RORA: variants seen among roughly 807,000 people sequenced by gnomAD.
The protein encoded by RORA is RAR related orphan receptor A.
Under a neutral mutation model 69.5 loss-of-function variants are expected in RORA, and 7 were observed. That is an observed-to-expected ratio of 0.10 (90% CI 0.06 to 0.19). RORA has a LOEUF of 0.19. Among genes scored for constraint, RORA ranks in the 10% least tolerant of loss-of-function variants. The probability of loss-of-function intolerance (pLI) is 1.00; values close to 1 mark genes in which losing one functional copy is unlikely to be tolerated. For missense variants in RORA, 457 were observed against 663.0 expected, an observed-to-expected ratio of 0.69 and a Z score of 3.41; for synonymous variants, 261 against 240.8, an observed-to-expected ratio of 1.08 and a Z score of -0.78.
chr15:60,760,771 G>C (rs549356324), intron 1 of RORA, among the ~76,000 whole-genome samples: 1 of 152,226 alleles, frequency 6.6e-6, no homozygotes, highest in African/African-American at 2.4e-5. Flanking sequence ...CAAGTCGTGT[G>C]ATCCAGTGGA....
intron 1 of RORA, among the ~76,000 whole-genome samples, chr15:60,924,395 C>G (rs1892146782): frequency 1.1e-5 from 1 of 89,570 alleles, no homozygotes; most frequent in Non-Finnish European, 3.1e-5. Context: ...AATATAGAAA[C>G]AGATTTGAAC....
At chr15:60,579,585 C>T (rs922459886) in intron 2 of RORA, among the ~76,000 whole-genome samples, 1 of 152,160 alleles carries the variant, frequency 6.6e-6, no homozygotes, top group African/African-American at 2.4e-5. Context: ...TTCTAACATG[C>T]TATTGAGAAA....
At position 60,488,598 on chromosome 15, in the gene RORA, G is replaced by A. The variant is rs1446955398; in HGVS notation, c.*8857C>T. The stretch of plus-strand genomic sequence containing the variant: ...ATTGAAAAGAAAACCCAAGGTAAGT[G>A]AAAAGTTGGACGATCCTCTAATAAA... On this transcript the variant is annotated 3_prime_UTR_variant, in exon 11 of 11. Coordinates refer to ENST00000335670, the MANE Select transcript of RORA (RefSeq NM_134261.3). The A allele has an allele frequency of 6.6e-6, 1 of 152,164 alleles. No homozygotes were observed. The highest frequency in any genetic ancestry group is 2.4e-5 in the African/African-American group (1 of 41,432). The allele number at this position is 152,164 out of a possible 1,614,324, so 9.4% of individuals were successfully genotyped here.
chr15:61,127,828 G>A (rs569101408), intron 1 of RORA, among the ~76,000 whole-genome samples: 11 of 152,232 alleles, frequency 7.2e-5, no homozygotes, highest in Admixed American at 5.9e-4. Flanking sequence ...CAGTTCTCCG[G>A]TGAGGGTGCA....
At chr15:60,849,624 T>G (rs944027468) in intron 1 of RORA, among the ~76,000 whole-genome samples, 1 of 152,214 alleles carries the variant, frequency 6.6e-6, no homozygotes, top group Admixed American at 6.5e-5. Context: ...AGCAGTGATG[T>G]GCTGATAAAC....
chr15:60,488,852 C>T lies in RORA; in HGVS notation c.*8603G>A, dbSNP rs1475063749. On this transcript the variant is annotated 3_prime_UTR_variant, in exon 11 of 11. Transcript: ENST00000335670. ...TTGTGTGCTTAATCCTCAAGACCTA[C>T]ACACAATTAGAATCAGCATTTCATG... The T allele has an allele frequency of 6.6e-6, 1 of 152,222 alleles. No homozygotes were observed. Among genetic ancestry groups the T allele is most frequent in the Non-Finnish European group, 1.5e-5 (1 of 68,036 alleles). 9.4% of individuals were successfully genotyped at this position (152,222 alleles called of 1,614,324 possible).
chr15:60,758,265 A>G (rs1468745210), intron 1 of RORA, among the ~76,000 whole-genome samples: 1 of 152,122 alleles, frequency 6.6e-6, no homozygotes, highest in Non-Finnish European at 1.5e-5. Flanking sequence ...ACCCACTCAG[A>G]TAGTCTCTAC....
chr15:60,732,768 TA>T (rs1417026927), intron 1 of RORA, among the ~76,000 whole-genome samples: 1 of 151,868 alleles, frequency 6.6e-6, no homozygotes, highest in Non-Finnish European at 1.5e-5. Context: ...CGTGAACAGT[TA>T]AACATACTTA....
intron 1 of RORA, among the ~76,000 whole-genome samples, chr15:61,207,481 G>A (rs2079953274): frequency 6.6e-6 from 1 of 152,156 alleles, no homozygotes; most frequent in African/African-American, 2.4e-5. Context: ...TGCACATCGT[G>A]GTTTCACTCA....
chr15:60,502,794 C>G lies in RORA; in HGVS notation c.1149G>C (p.Gly383=). 1 of 1,613,816 alleles carries G rather than the reference C, an allele frequency of 6.2e-7. No individual in the cohort carries two copies. The highest frequency in any genetic ancestry group is 8.5e-7 in the Non-Finnish European group (1 of 1,179,714). The part of the protein sequence containing the change: ...DSQNNTVYFD[G]KYASPDVFKS... ...TGAAGACGTCGGGGCTGGCATACTT[C>G]CCATCAAAGTACACGGTGTTGTTCT... is the stretch of plus-strand genomic sequence containing the variant. Residue 383 remains glycine (G), a synonymous_variant, in exon 8 of 11, where the codon GGG becomes GGC. Transcript: ENST00000335670.
At chr15:60,736,166 GC>G (rs1350549588) in intron 1 of RORA, among the ~76,000 whole-genome samples, 1 of 152,120 alleles carries the variant, frequency 6.6e-6, no homozygotes, top group African/African-American at 2.4e-5. Flanking sequence ...TAAGAGTGGG[GC>G]CCAGATTCAG....
intron 2 of RORA, among the ~76,000 whole-genome samples, chr15:60,663,778 A>C (rs2070340175): frequency 6.6e-6 from 1 of 152,218 alleles, no homozygotes; most frequent in Non-Finnish European, 1.5e-5. Context: ...TTTTATAATG[A>C]GGCTTTGCTA....
chr15:61,083,816 T>C (rs928961785), intron 1 of RORA, among the ~76,000 whole-genome samples: 3 of 152,010 alleles, frequency 2.0e-5, no homozygotes, highest in Non-Finnish European at 4.4e-5. Flanking sequence ...AGGCTTCTCT[T>C]GTTTATCAAG....
chr15:60,700,826 T>G (rs1368060765), intron 1 of RORA, among the ~76,000 whole-genome samples: 1 of 152,186 alleles, frequency 6.6e-6, no homozygotes, highest in Non-Finnish European at 1.5e-5. Context: ...AAAGCAGGGC[T>G]TCACTTTGCC....
intron 1 of RORA, among the ~76,000 whole-genome samples, chr15:60,973,533 G>A (rs1161739948): frequency 2.0e-5 from 3 of 152,206 alleles, no homozygotes; most frequent in Admixed American, 2.0e-4. Flanking sequence ...GCCTCAAAGC[G>A]TAGCCTGCAG....
At chr15:61,001,747 TTGATAGTG>T (rs1229543207) in intron 1 of RORA, among the ~76,000 whole-genome samples, 1 of 152,120 alleles carries the variant, frequency 6.6e-6, no homozygotes, top group African/African-American at 2.4e-5. Flanking sequence ...AAAGAAATAT[TTGATAGTG>T]TGAAATATGA....
intron 1 of RORA, among the ~76,000 whole-genome samples, chr15:61,208,577 T>A (rs1041883571): frequency 5.9e-5 from 9 of 152,254 alleles, no homozygotes; most frequent in Non-Finnish European, 1.2e-4. Flanking sequence ...ATAATTTTTT[T>A]AAAGTTGGAA....
At chr15:60,920,562 G>T (rs1455067680) in intron 1 of RORA, among the ~76,000 whole-genome samples, 1 of 152,148 alleles carries the variant, frequency 6.6e-6, no homozygotes, top group African/African-American at 2.4e-5. Context: ...GGAACAACAG[G>T]CTGGGCACTA....
intron 1 of RORA, among the ~76,000 whole-genome samples, chr15:60,803,856 C>A (rs875339): frequency 6.6e-6 from 1 of 152,058 alleles, no homozygotes; most frequent in East Asian, 1.9e-4. Flanking sequence ...TATGGAGAAT[C>A]GGTACTTACA....
Sources: gnomAD v4.1 joint callset for allele counts (sites outside exome capture counted in the v4.1 genomes callset) on GRCh38, gnomAD v4.1.1 for gene constraint, MANE v1.5 for transcripts, NCBI Gene and HGNC (gene_info 2026-07-23, HGNC 2026-07-21) for gene names.